DAPK2: variants seen among roughly 807,000 people sequenced by gnomAD.
DAPK2 encodes the protein death associated protein kinase 2, also known as death-associated protein kinase 2.
A neutral mutation model predicts 44.1 loss-of-function variants in DAPK2; 35 were observed. That is an observed-to-expected ratio of 0.79 (90% CI 0.61 to 1.05). The LOEUF is 1.05. DAPK2 is among the 50% of genes least tolerant of loss of function. The pLI is 0.00. For synonymous variants in DAPK2, 174 were observed against 182.6 expected (o/e 0.95, Z 0.38); for missense variants, 453 against 483.2 (o/e 0.94, Z 0.59).
In DAPK2 at chr15:63,917,560, T is replaced by C. The variant is rs1010407420; in HGVS notation, c.859-5363A>G. The C allele has an allele frequency of 9.9e-5, 15 of 152,116 alleles. No homozygotes were observed. The highest frequency in any genetic ancestry group is 7.9e-4 in the Admixed American group (12 of 15,276). The allele number at this position is 152,116 out of a possible 1,614,324, so 9.4% of individuals were successfully genotyped here. A position where few individuals can be genotyped will look rare whatever the true frequency, so the allele number is the denominator to read the frequency against. ...TAGGTCCTGGAATCCACTATCCCAT[T>C]CCTTATACTTCTGTGCAAGTTTTGG... On this transcript the variant is annotated intron_variant, in intron 8 of 10. Transcript: ENST00000261891. This position sits in a 1 kb window ranked among gnomAD's most constrained non-coding sequence, Gnocchi z 4.4.
upstream of DAPK2, among the ~76,000 whole-genome samples, chr15:64,044,733 C>A (rs537621962): frequency 4.5e-4 from 68 of 152,288 alleles, no homozygotes; most frequent in African/African-American, 1.6e-3. Context: ...TCAAGAAGCC[C>A]TCTCCACCAC....
At chr15:63,925,649 C>A (rs2079223807) in intron 7 of DAPK2, among the ~76,000 whole-genome samples, 1 of 148,492 alleles carries the variant, frequency 6.7e-6, no homozygotes, top group African/African-American at 2.5e-5. Context: ...AGGTAATGAG[C>A]CCTAAAGAAA....
intron 3 of DAPK2, among the ~76,000 whole-genome samples, chr15:63,947,951 A>G (rs1265271945): frequency 6.6e-6 from 1 of 152,032 alleles, no homozygotes; most frequent in Non-Finnish European, 1.5e-5. Context: ...CCCCACTTGT[A>G]TTAGTCCATT....
intron 1 of DAPK2, among the ~76,000 whole-genome samples, chr15:64,003,508 T>G (rs1012166055): frequency 2.0e-5 from 3 of 152,252 alleles, no homozygotes; most frequent in African/African-American, 7.2e-5. Flanking sequence ...ATGGTGGCAT[T>G]ACCTGGGTTT....
At chr15:63,909,872 G>A (rs1028920138) in intron 10 of DAPK2, 5 of 152,114 alleles carry the variant, frequency 3.3e-5, no homozygotes, top group Non-Finnish European at 5.9e-5. Context: ...ATCTGTCAGG[G>A]AAGAAGGGCC....
At chr15:63,997,954 C>T (rs1483013319) in intron 1 of DAPK2, among the ~76,000 whole-genome samples, 1 of 152,222 alleles carries the variant, frequency 6.6e-6, no homozygotes, top group Admixed American at 6.5e-5. Flanking sequence ...CACAAGTGCC[C>T]ACAATGGCAT....
At position 63,980,525 on chromosome 15, in the gene DAPK2, G is replaced by A. The variant is rs1405727434; in HGVS notation, c.314+3008C>T. Among the ~76,000 whole-genome samples the A allele has an allele frequency of 6.6e-6, 1 of 152,210 alleles. No homozygotes were observed. The highest frequency in any genetic ancestry group is 1.5e-5 in the Non-Finnish European group (1 of 68,038). ...CATCTTTGAAAAGTGAGGATATTGA[G>A]TCCCAAAAATGTCAGCCTTTGGCTT... On this transcript the variant is annotated intron_variant, in intron 2 of 10. Transcript: ENST00000261891. The surrounding 1 kb of genome is among the most constrained non-coding windows in gnomAD (Gnocchi z 4.3).
At chr15:64,009,346 A>G (rs1021578785) in intron 1 of DAPK2, among the ~76,000 whole-genome samples, 1 of 151,804 alleles carries the variant, frequency 6.6e-6, no homozygotes, top group Non-Finnish European at 1.5e-5. Context: ...CACACACCCA[A>G]TCCACACCCC....
intron 1 of DAPK2, among the ~76,000 whole-genome samples, chr15:63,987,564 C>T (rs1409509788): frequency 6.6e-6 from 1 of 152,194 alleles, no homozygotes; most frequent in Non-Finnish European, 1.5e-5. Flanking sequence ...TACTGCAGCA[C>T]GGGGCTGGTA....
intron 8 of DAPK2, chr15:63,922,876 C>T: frequency 6.5e-7 from 1 of 1,535,942 alleles, no homozygotes; most frequent in Non-Finnish European, 8.7e-7. Context: ...CCACCAGCTC[C>T]TGAATCCACT....
chr15:63,940,384 A>T (rs954834007), intron 3 of DAPK2, among the ~76,000 whole-genome samples: 2 of 152,080 alleles, frequency 1.3e-5, no homozygotes, highest in African/African-American at 4.8e-5. Flanking sequence ...ATTTGGCCAT[A>T]AAAAGGAATG....
At chr15:63,935,166 C>T (rs1348437723) in intron 4 of DAPK2, among the ~76,000 whole-genome samples, 5 of 150,378 alleles carry the variant, frequency 3.3e-5, no homozygotes, top group South Asian at 2.1e-4. Context: ...TCTCAGTTCA[C>T]GACAACCTCT....
intron 1 of DAPK2, among the ~76,000 whole-genome samples, chr15:64,025,941 A>G (rs2079829242): frequency 1.3e-5 from 2 of 152,232 alleles, no homozygotes; most frequent in African/African-American, 4.8e-5. Flanking sequence ...GTAAAAGCCA[A>G]TCTTAGCTCC....
intron 2 of DAPK2, among the ~76,000 whole-genome samples, chr15:63,975,434 T>C (rs2078316666): frequency 1.3e-5 from 2 of 152,110 alleles, no homozygotes; most frequent in South Asian, 4.1e-4. Context: ...TATCCTATGA[T>C]CTAAGGACTA....
intron 3 of DAPK2, among the ~76,000 whole-genome samples, chr15:63,968,955 T>G (rs556047658): frequency 1.3e-5 from 2 of 152,296 alleles, no homozygotes; most frequent in East Asian, 3.9e-4. Flanking sequence ...AAGTTAATTG[T>G]CCACAGCAGT....
Position 64,046,246 on chromosome 15 carries a change from C to G in DAPK2, c.-7+52G>C. On this transcript the variant is annotated intron_variant, in intron 1 of 11. Coordinates refer to the DAPK2 transcript ENST00000457488. This position sits in a 1 kb window ranked among gnomAD's most constrained non-coding sequence, Gnocchi z 5.3. ...CCCCAGACCCGGGCGCTGCTGCCGTCAGGCCGCGCGCCCCGTCCCGCCCAT... is the reference window on the plus strand; with the variant it reads ...CCCCAGACCCGGGCGCTGCTGCCGTGAGGCCGCGCGCCCCGTCCCGCCCAT... The G allele has an allele frequency of 1.2e-6, 1 of 834,510 alleles. No homozygotes were observed. Among genetic ancestry groups the G allele is most frequent in the Non-Finnish European group, 1.4e-6 (1 of 692,354 alleles). The allele number at this position is 834,510 out of a possible 1,614,324, so 51.7% of individuals were successfully genotyped here.
At chr15:63,934,256 T>G (rs1286855781) in intron 4 of DAPK2, among the ~76,000 whole-genome samples, 2 of 132,508 alleles carry the variant, frequency 1.5e-5, no homozygotes, top group Admixed American at 1.5e-4. Flanking sequence ...CTAGTTTTTT[T>G]TTTTTTTTTT....
At chr15:63,983,221 A>T (rs901411847) in intron 2 of DAPK2, among the ~76,000 whole-genome samples, 13 of 152,132 alleles carry the variant, frequency 8.5e-5, no homozygotes, top group African/African-American at 3.1e-4. Flanking sequence ...TCCAGCCAGG[A>T]AAAGACCCCA....
rs188437213 is a variant in DAPK2, at chr15:63,979,964, G to A, written c.314+3569C>T. The stretch of plus-strand genomic sequence containing the variant: ...CAAAAGCCCAGGAACTCCTCTCCTG[G>A]GAGGTCCTCCCTCTCAGAACCTGGC... On this transcript the variant is annotated intron_variant, in intron 2 of 10. Coordinates refer to ENST00000261891, the Ensembl canonical transcript of DAPK2. Among the ~76,000 whole-genome samples the A allele has an allele frequency of 3.9e-5, 6 of 152,224 alleles. No homozygotes were observed. The East Asian group carries it at 1.2e-3, about 29-fold the overall frequency.
Sources: gnomAD v4.1 joint callset for allele counts (sites outside exome capture counted in the v4.1 genomes callset) on GRCh38, gnomAD v4.1.1 for gene constraint, Gnocchi (gnomAD v3.1) non-coding constraint, MANE v1.5 for transcripts, NCBI Gene and HGNC (gene_info 2026-07-23, HGNC 2026-07-21) for gene names.